AGTPBP1: variants seen among roughly 807,000 people sequenced by gnomAD.
The protein encoded by AGTPBP1 is cytosolic carboxypeptidase 1.
AGTPBP1 carries 70 observed loss-of-function variants against 143.9 expected under a neutral mutation model. The ratio of observed to expected loss-of-function variants is 0.49; its 90% CI spans 0.40 to 0.59. The LOEUF is 0.59. Ranked by LOEUF, AGTPBP1 falls within the 20% of genes least tolerant of loss-of-function variation. AGTPBP1 has a pLI of 0.00. For synonymous variants in AGTPBP1, 463 were observed against 500.2 expected (o/e 0.93, Z 0.99); for missense variants, 1,229 against 1,464.5 (o/e 0.84, Z 2.62).
chr9:85,749,617 A>G, the AGTPBP1 span, among the ~76,000 whole-genome samples: 3 of 152,052 alleles, frequency 2.0e-5, no homozygotes, highest in Non-Finnish European at 4.4e-5. Context: ...TGAAGAAAAG[A>G]TATGAGAACT....
At chr9:85,590,254 T>C (rs961923207) in intron 19 of AGTPBP1, among the ~76,000 whole-genome samples, 3 of 152,030 alleles carry the variant, frequency 2.0e-5, no homozygotes, top group Non-Finnish European at 4.4e-5. Context: ...ACATCTACAA[T>C]TGCACCACCT....
rs1832586375 is a variant in AGTPBP1, at chr9:85,642,953, T to C, written c.1186-10A>G. Reference sequence around the variant, plus strand: ...TTTCAATATCATCATTCTGAAATGATAAAAAGAGTATGTTATCAGGTAAAA... The same window carrying C: ...TTTCAATATCATCATTCTGAAATGACAAAAAGAGTATGTTATCAGGTAAAA... On this transcript the variant is annotated splice_polypyrimidine_tract_variant and intron_variant, in intron 12 of 25. Coordinates refer to ENST00000357081, the MANE Select transcript of AGTPBP1 (RefSeq NM_001330701.2). 2 of 1,593,546 alleles carry C rather than the reference T, an allele frequency of 1.3e-6. No individual in the cohort carries two copies. Among genetic ancestry groups the C allele is most frequent in the East Asian group, 2.2e-5 (1 of 44,672 alleles).
At chr9:85,764,558 C>T in the AGTPBP1 span, 1 of 509,828 alleles carries the variant, frequency 2.0e-6, no homozygotes, top group Non-Finnish European at 3.5e-6. Context: ...ATGAATACCC[C>T]CTCCCTCAAA....
chr9:85,608,522 G>A (rs1225439069), intron 17 of AGTPBP1, among the ~76,000 whole-genome samples: 6 of 151,954 alleles, frequency 3.9e-5, no homozygotes, highest in Admixed American at 2.6e-4. Context: ...CTTATGTGAA[G>A]AAGATATATT....
At chr9:85,644,758 G>C (rs1832710239) in intron 12 of AGTPBP1, among the ~76,000 whole-genome samples, 1 of 151,708 alleles carries the variant, frequency 6.6e-6, no homozygotes, top group Non-Finnish European at 1.5e-5. Context: ...TGGAATCACA[G>C]GAAAAAAAGT....
chr9:85,630,481 TG>T (rs1385884852), intron 14 of AGTPBP1, among the ~76,000 whole-genome samples: 12 of 151,328 alleles, frequency 7.9e-5, no homozygotes, highest in Non-Finnish European at 1.6e-4. Flanking sequence ...ATTGATTGAT[TG>T]ATTGATTGAT....
intron 25 of AGTPBP1, among the ~76,000 whole-genome samples, chr9:85,555,299 A>G (rs994700661): frequency 3.3e-5 from 5 of 152,220 alleles, no homozygotes; most frequent in African/African-American, 1.2e-4. Flanking sequence ...CCTTCAAAGG[A>G]GTAAAAAATA....
intron 1 of AGTPBP1, among the ~76,000 whole-genome samples, chr9:85,737,653 C>T (rs1823892286): frequency 6.6e-6 from 1 of 152,144 alleles, no homozygotes; most frequent in African/African-American, 2.4e-5. Flanking sequence ...CCAATATTTA[C>T]AAATGACCAA....
At chr9:85,689,357 ATTAAGAT>A (rs1835692526) in intron 3 of AGTPBP1, among the ~76,000 whole-genome samples, 1 of 152,152 alleles carries the variant, frequency 6.6e-6, no homozygotes, top group Non-Finnish European at 1.5e-5. Context: ...AGCCTTAACA[ATTAAGAT>A]TTAATTGGTT....
chr9:85,779,182 GATATA>G, the AGTPBP1 span, among the ~76,000 whole-genome samples: 2 of 10,528 alleles, frequency 1.9e-4, no homozygotes. Context: ...GAGATATATA[GATATA>G]GATATAGATA....
chr9:85,679,602 G>T (rs1835045325), intron 4 of AGTPBP1, among the ~76,000 whole-genome samples: 1 of 152,074 alleles, frequency 6.6e-6, no homozygotes, highest in African/African-American at 2.4e-5. Flanking sequence ...TAAAGACAGG[G>T]TTTTACCGTG....
At chr9:85,564,230 G>T (rs1037031883) in intron 25 of AGTPBP1, among the ~76,000 whole-genome samples, 2 of 152,248 alleles carry the variant, frequency 1.3e-5, no homozygotes, top group African/African-American at 2.4e-5. Flanking sequence ...CAGCCCCAGT[G>T]GGCCTGAAGA....
chr9:85,670,493 T>A (rs1834416344), intron 7 of AGTPBP1, among the ~76,000 whole-genome samples: 1 of 152,168 alleles, frequency 6.6e-6, no homozygotes, highest in Non-Finnish European at 1.5e-5. Context: ...AATTTCAGTA[T>A]TTAATATGGA....
intron 17 of AGTPBP1, among the ~76,000 whole-genome samples, chr9:85,603,031 A>G (rs1243677954): frequency 6.6e-6 from 1 of 152,190 alleles, no homozygotes; most frequent in Non-Finnish European, 1.5e-5. Flanking sequence ...TAGCCCCACC[A>G]CCGAAGGCTA....
chr9:85,597,317 T>C (rs1178365316), intron 17 of AGTPBP1, among the ~76,000 whole-genome samples: 1 of 152,026 alleles, frequency 6.6e-6, no homozygotes, highest in Non-Finnish European at 1.5e-5. Context: ...AGTAGTCTCA[T>C]GGATTTTTTA....
At chr9:85,795,235 T>C in the AGTPBP1 span, among the ~76,000 whole-genome samples, 1 of 152,290 alleles carries the variant, frequency 6.6e-6, no homozygotes, top group East Asian at 1.9e-4. Context: ...TTCCTATAAG[T>C]GAAACACAAA....
intron 23 of AGTPBP1, among the ~76,000 whole-genome samples, chr9:85,580,778 A>C (rs1013824412): frequency 1.3e-5 from 2 of 152,230 alleles, no homozygotes; most frequent in African/African-American, 2.4e-5. Context: ...ATTTGGGTAC[A>C]GTCTACAAAA....
chr9:85,793,142 TG>T, the AGTPBP1 span, among the ~76,000 whole-genome samples: 1 of 152,204 alleles, frequency 6.6e-6, no homozygotes, highest in African/African-American at 2.4e-5. Flanking sequence ...TGAAAGAGGA[TG>T]TTTTTTACTG....
At chr9:85,780,517 A>G in the AGTPBP1 span, among the ~76,000 whole-genome samples, 1 of 151,022 alleles carries the variant, frequency 6.6e-6, no homozygotes, top group Non-Finnish European at 1.5e-5. Context: ...AGTTCCTGAT[A>G]TAAACTTTAC....
Sources: gnomAD v4.1 joint callset for allele counts (sites outside exome capture counted in the v4.1 genomes callset) on GRCh38, gnomAD v4.1.1 for gene constraint, MANE v1.5 for transcripts, NCBI Gene and HGNC (gene_info 2026-07-23, HGNC 2026-07-21) for gene names.